PCTP: variants seen among roughly 807,000 people sequenced by gnomAD.
The protein encoded by PCTP is START domain-containing protein 2.
In PCTP, 27 loss-of-function variants were observed where a neutral mutation model predicts 31.0. The ratio of observed to expected loss-of-function variants is 0.87; its 90% CI spans 0.64 to 1.20. PCTP has a LOEUF of 1.20. PCTP is among the 50% of genes most tolerant of loss of function. PCTP has a pLI of 0.00. For synonymous variants in PCTP, 108 were observed against 101.2 expected (o/e 1.07, Z -0.40); for missense variants, 287 against 268.2 (o/e 1.07, Z -0.49).
At chr17:55,836,461 G>A (rs1905780918) in intron 5 of PCTP, among the ~76,000 whole-genome samples, 2 of 152,162 alleles carry the variant, frequency 1.3e-5, no homozygotes, top group African/African-American at 4.8e-5. Flanking sequence ...GAGGTGAAGG[G>A]TCTTCTCTAT....
At chr17:55,795,249 CA>C (rs1420632788) in intron 3 of PCTP, among the ~76,000 whole-genome samples, 1 of 152,078 alleles carries the variant, frequency 6.6e-6, no homozygotes, top group African/African-American at 2.4e-5. Flanking sequence ...TCTCACCTTA[CA>C]GTGAACAAAA....
chr17:55,832,441 T>G (rs1224870407), intron 5 of PCTP, among the ~76,000 whole-genome samples: 1 of 152,224 alleles, frequency 6.6e-6, no homozygotes, highest in Non-Finnish European at 1.5e-5. Context: ...AGAACACAGA[T>G]AGCAAATTGT....
chr17:55,781,723 T>A (rs534548074), downstream of PCTP, among the ~76,000 whole-genome samples: 2 of 150,992 alleles, frequency 1.3e-5, no homozygotes, highest in Non-Finnish European at 2.9e-5. Flanking sequence ...TACCATTGAG[T>A]ACTGAATACT....
At chr17:55,799,444 C>A (rs1912301289) in intron 3 of PCTP, among the ~76,000 whole-genome samples, 1 of 148,922 alleles carries the variant, frequency 6.7e-6, no homozygotes, top group Non-Finnish European at 1.5e-5. Context: ...TCCTCCATCC[C>A]TTTGTTTTGA....
chr17:55,850,752 T>C, the PCTP span, among the ~76,000 whole-genome samples: 2 of 152,148 alleles, frequency 1.3e-5, no homozygotes, highest in Non-Finnish European at 2.9e-5. Flanking sequence ...TAGTCCTCTG[T>C]TTATTTTTCT....
At chr17:55,759,767 G>A (rs1305018230) in intron 1 of PCTP, among the ~76,000 whole-genome samples, 1 of 152,186 alleles carries the variant, frequency 6.6e-6, no homozygotes, top group Non-Finnish European at 1.5e-5. Flanking sequence ...AATGAGTGGT[G>A]CCTTTCTCCA....
chr17:55,844,110 C>CTGTCTTCA (rs1194209452), downstream of PCTP, among the ~76,000 whole-genome samples: 9 of 152,344 alleles, frequency 5.9e-5, no homozygotes, highest in Admixed American at 5.9e-4. Context: ...TACATCCCCA[C>CTGTCTTCA]TGTCTTCATA....
intron 3 of PCTP, among the ~76,000 whole-genome samples, chr17:55,818,337 T>A (rs1222977710): frequency 6.6e-6 from 1 of 152,242 alleles, no homozygotes; most frequent in Non-Finnish European, 1.5e-5. Flanking sequence ...TCCTAGCTCC[T>A]CCTGGCTATT....
At chr17:55,768,993 A>G (rs1200283221) in intron 2 of PCTP, 2 of 152,238 alleles carry the variant, frequency 1.3e-5, no homozygotes, top group Admixed American at 6.5e-5. Flanking sequence ...GGCATTGAAA[A>G]AAGTCCAGGG....
chr17:55,825,249 A>T (rs541930355), downstream of PCTP, among the ~76,000 whole-genome samples: 3 of 152,220 alleles, frequency 2.0e-5, no homozygotes, highest in Non-Finnish European at 4.4e-5. Context: ...AGCTTGAGAC[A>T]TGGACCATTC....
At chr17:55,851,607 A>G in the PCTP span, among the ~76,000 whole-genome samples, 1 of 152,228 alleles carries the variant, frequency 6.6e-6, no homozygotes, top group Non-Finnish European at 1.5e-5. Flanking sequence ...TCAAAGAGTG[A>G]CAGAAAATAA....
chr17:55,765,814 ACT>A (rs550399821), intron 1 of PCTP, among the ~76,000 whole-genome samples: 54 of 152,218 alleles, frequency 3.5e-4, no homozygotes, highest in African/African-American at 1.2e-3. Context: ...GCCCTGACAA[ACT>A]CTCTAACCTC....
the PCTP span, among the ~76,000 whole-genome samples, chr17:55,850,101 G>C: frequency 6.6e-6 from 1 of 151,960 alleles, no homozygotes; most frequent in East Asian, 1.9e-4. Context: ...TACCAATTTG[G>C]TCATAAAATG....
intron 3 of PCTP, among the ~76,000 whole-genome samples, chr17:55,803,302 G>A (rs923929205): frequency 6.6e-6 from 1 of 151,932 alleles, no homozygotes. Context: ...ATTTATAGAG[G>A]TAATGCTATC....
chr17:55,794,290 T>G (rs576109010), intron 3 of PCTP, among the ~76,000 whole-genome samples: 2 of 146,290 alleles, frequency 1.4e-5, no homozygotes, highest in African/African-American at 5.3e-5. Context: ...ATACTCTAAA[T>G]GTCCAATAGT....
intron 5 of PCTP, among the ~76,000 whole-genome samples, chr17:55,838,715 G>T (rs1905858521): frequency 6.6e-6 from 1 of 152,122 alleles, no homozygotes; most frequent in Non-Finnish European, 1.5e-5. Context: ...CAATTTATGT[G>T]CATTATCCCA....
intron 5 of PCTP, among the ~76,000 whole-genome samples, chr17:55,841,852 TC>T (rs1054987459): frequency 1.3e-5 from 2 of 152,186 alleles, no homozygotes; most frequent in African/African-American, 4.8e-5. Context: ...ATGTTCTCTC[TC>T]CTTATACCTT....
rs80086055 is a variant in PCTP, at chr17:55,829,936, T to C, written n.505+7009T>C. 7.1e-3 allele frequency among the ~76,000 whole-genome samples: 1,078 copies of C among 152,344 alleles called. 10 individuals carry two copies. Among genetic ancestry groups the C allele is most frequent in the Non-Finnish European group, 0.011 (766 of 68,028 alleles). ...ATGAGATGTGAAATTGCTTTTTTAT[T>C]TTGCAAATTGTTTTATATTTGCAAA... is the stretch of plus-strand genomic sequence containing the variant. On this transcript the variant is annotated intron_variant and non_coding_transcript_variant, in intron 5 of 5. Coordinates refer to the PCTP transcript ENST00000576221.
intron 3 of PCTP, among the ~76,000 whole-genome samples, chr17:55,819,908 A>G (rs1006888592): frequency 1.3e-5 from 2 of 152,228 alleles, no homozygotes; most frequent in African/African-American, 4.8e-5. Context: ...GTATCAAGAA[A>G]ATTCAATGGG....
Sources: allele counts gnomAD v4.1 joint callset (sites outside exome capture counted in the v4.1 genomes callset), GRCh38; gene constraint gnomAD v4.1.1; transcripts MANE v1.5; gene names NCBI Gene and HGNC (gene_info 2026-07-23, HGNC 2026-07-21).